POTED: variants seen among roughly 807,000 people sequenced by gnomAD.
POTED encodes ANKRD26-like family B member 3.
POTED carries 7 observed loss-of-function variants against 19.0 expected under a neutral mutation model. That is an observed-to-expected ratio of 0.37 (90% CI 0.21 to 0.69). The LOEUF is 0.69. Ranked by LOEUF, POTED falls within the 30% of genes least tolerant of loss-of-function variation. POTED has a pLI of 0.56. For synonymous variants in POTED, 16 were observed against 92.0 expected (o/e 0.17, Z 4.73); for missense variants, 54 against 278.5 (o/e 0.19, Z 5.74).
rs1159034077 is a variant in POTED, at chr21:13,642,655, G to A, written c.*1089G>A. Reference sequence around the variant, plus strand: ...ACTTGCTTCCAGTCACATCCTACAGGTGTGTTCAGATTGGCAACAGGTTCA... The same window carrying A: ...ACTTGCTTCCAGTCACATCCTACAGATGTGTTCAGATTGGCAACAGGTTCA... On this transcript the variant is annotated 3_prime_UTR_variant, in exon 11 of 11. Transcript: ENST00000299443. Among the ~76,000 whole-genome samples, 1 of 41,760 alleles carries A rather than the reference G, an allele frequency of 2.4e-5. No homozygotes were observed. The highest frequency in any genetic ancestry group is 3.8e-5 in the Non-Finnish European group (1 of 26,022). The allele number at this position is 41,760 out of a possible 152,430, so 27.4% of individuals were successfully genotyped here.
At position 13,627,461 on chromosome 21, in the gene POTED, A is replaced by C. The variant is rs539814087; in HGVS notation, c.1127-921A>C. Reference sequence around the variant, plus strand: ...TGGCTCAAACAAAAAAACAAAAAAAAAAAAGAAAAATGAATATAAATTTGT... The same window carrying C: ...TGGCTCAAACAAAAAAACAAAAAAACAAAAGAAAAATGAATATAAATTTGT... On this transcript the variant is annotated intron_variant, in intron 6 of 10. Transcript: ENST00000299443. Among the ~76,000 whole-genome samples the C allele has an allele frequency of 2.3e-4, 23 of 99,728 alleles. 6 individuals carry two copies. Among genetic ancestry groups the C allele is most frequent in the African/African-American group, 1.0e-3 (20 of 19,256 alleles). 65.4% of individuals were successfully genotyped at this position (99,728 alleles called of 152,430 possible). A position where few individuals can be genotyped will look rare whatever the true frequency, so the allele number is the denominator to read the frequency against.
chr21:13,623,932 C>A (rs1197963284), intron 6 of POTED, among the ~76,000 whole-genome samples: 1 of 103,334 alleles, frequency 9.7e-6, no homozygotes, highest in Admixed American at 9.3e-5. Context: ...TAGTTTTGAT[C>A]TTTAAGGTGC....
At chr21:13,626,615 T>C (rs548329331) in intron 6 of POTED, among the ~76,000 whole-genome samples, 1 of 96,120 alleles carries the variant, frequency 1.0e-5, no homozygotes, top group Admixed American at 1.0e-4. Context: ...ACTTCTGCCC[T>C]ACTCTACATC....
At chr21:13,619,361 T>G (rs2011165620) in intron 4 of POTED, among the ~76,000 whole-genome samples, 1 of 72,046 alleles carries the variant, frequency 1.4e-5, no homozygotes, top group Non-Finnish European at 2.4e-5. Flanking sequence ...ATGGCACATG[T>G]ATACATATGT....
In POTED at chr21:13,609,843, G is replaced by T. The variant is rs2011132498; in HGVS notation, c.-386G>T. ...TTCCTCGCTTGGCCTTGCGTTCCTA[G>T]CTTGGCTTGGCGTTAGTCGCTTTGC... On this transcript the variant is annotated 5_prime_UTR_variant, in exon 1 of 11. Coordinates refer to ENST00000299443, the MANE Select transcript of POTED (RefSeq NM_174981.6). 1 of 156,814 alleles carries T rather than the reference G, an allele frequency of 6.4e-6. No homozygotes were observed. The highest frequency in any genetic ancestry group is 1.1e-5 in the Non-Finnish European group (1 of 94,132). The allele number at this position is 156,814 out of a possible 1,614,324, so 9.7% of individuals were successfully genotyped here.
chr21:13,637,463 T>A lies in POTED; in HGVS notation c.1410-2052T>A, dbSNP rs2123222637. On this transcript the variant is annotated intron_variant, in intron 9 of 10. Coordinates refer to ENST00000299443, the MANE Select transcript of POTED (RefSeq NM_174981.6). ...CTATTCATGTCATGTGCCCACTTTT[T>A]AATGGAATTATTTGTATTTTTCCTG... Among the ~76,000 whole-genome samples the A allele has an allele frequency of 3.3e-5, 2 of 60,520 alleles. 1 individual carries two copies. Among genetic ancestry groups the A allele is most frequent in the Non-Finnish European group, 5.5e-5 (2 of 36,248 alleles). 39.7% of individuals were successfully genotyped at this position (60,520 alleles called of 152,430 possible). A position where few individuals can be genotyped will look rare whatever the true frequency, so the allele number is the denominator to read the frequency against.
chr21:13,639,756 A>AAATATATGTGTGTGTG lies in POTED; in HGVS notation c.1533+118_1533+119insAATATATGTGTGTGTG. Reference sequence around the variant, plus strand: ...TATATACACACGTGTGTGTGTGTGTATATATATGTGTGTGTGTATATATAT... The same window carrying AAATATATGTGTGTGTG: ...TATATACACACGTGTGTGTGTGTGTAAATATATGTGTGTGTGTATATATGTGTGTGTGTATATATAT... On this transcript the variant is annotated intron_variant, in intron 10 of 10. Coordinates refer to ENST00000299443, the MANE Select transcript of POTED (RefSeq NM_174981.6). 2 of 555,364 alleles carry AAATATATGTGTGTGTG rather than the reference A, an allele frequency of 3.6e-6. 1 individual carries two copies. The highest frequency in any genetic ancestry group is 4.8e-6 in the Non-Finnish European group (2 of 413,462). 34.4% of individuals were successfully genotyped at this position (555,364 alleles called of 1,614,324 possible).
chr21:13,641,362 G>A lies in POTED; in HGVS notation c.1551G>A (p.Lys517=). The A allele has an allele frequency of 1.9e-6, 2 of 1,045,330 alleles. 1 individual carries two copies. Among genetic ancestry groups the A allele is most frequent in the Non-Finnish European group, 2.5e-6 (2 of 803,946 alleles). The allele number at this position is 1,045,330 out of a possible 1,614,324, so 64.8% of individuals were successfully genotyped here. Residue 517 remains lysine, a synonymous_variant, in exon 11 of 11, where the codon AAG becomes AAA. Transcript: ENST00000299443. ...TTACTTAGCTTTCTCTTAGTCATAA[G>A]AAAGAAGAAGATCTCTTGCGTGAAA... ...KMNSELSLSH[K]KEEDLLRENS...
chr21:13,628,280 GAAATA>G lies in POTED; in HGVS notation c.1127-92_1127-88del, dbSNP rs749627926. On this transcript the variant is annotated intron_variant, in intron 6 of 10. Coordinates refer to ENST00000299443, the MANE Select transcript of POTED (RefSeq NM_174981.6). ...ATGAAAGACTAAACACTCAATTAAT[GAAATA>G]AAATAAAATGTTGTCTTCAATCTAT... The G allele has an allele frequency of 1.3e-4, 25 of 191,678 alleles. 3 individuals carry two copies. The highest frequency in any genetic ancestry group is 3.1e-5 in the Non-Finnish European group (3 of 96,866). The allele number at this position is 191,678 out of a possible 1,614,324, so 11.9% of individuals were successfully genotyped here.
At chr21:13,640,642 C>A (rs2011265607) in intron 10 of POTED, among the ~76,000 whole-genome samples, 1 of 59,952 alleles carries the variant, frequency 1.7e-5, no homozygotes, top group Non-Finnish European at 2.8e-5. Flanking sequence ...CTCTGCCTCC[C>A]AGGTTCACAC....
In POTED at chr21:13,640,310, TAA is replaced by T. The variant is rs1319835695; in HGVS notation, c.1533+674_1533+675del. On this transcript the variant is annotated intron_variant, in intron 10 of 10. Transcript: ENST00000299443. ...TACTACTACAATGTTTCAAACATTA[TAA>T]AGAGGAAAGAAAAGTTATTGCAATG... Among the ~76,000 whole-genome samples, 5 of 73,712 alleles carry T rather than the reference TAA, an allele frequency of 6.8e-5. 2 individuals carry two copies. Among genetic ancestry groups the T allele is most frequent in the Non-Finnish European group, 1.2e-4 (5 of 42,572 alleles). The allele number at this position is 73,712 out of a possible 152,430, so 48.4% of individuals were successfully genotyped here.
Position 13,645,419 on chromosome 21 carries a change from A to G in POTED, c.*3853A>G, listed in dbSNP as rs1335908008. Among the ~76,000 whole-genome samples the G allele has an allele frequency of 7.6e-6, 1 of 131,236 alleles. No individual in the cohort carries two copies. Among genetic ancestry groups the G allele is most frequent in the Non-Finnish European group, 1.6e-5 (1 of 60,862 alleles). The allele number at this position is 131,236 out of a possible 152,430, so 86.1% of individuals were successfully genotyped here. A position where few individuals can be genotyped will look rare whatever the true frequency, so the allele number is the denominator to read the frequency against. Reference sequence around the variant, plus strand: ...TCAACTGAAACTGTACAAGCCAGAAAAGACATTCAACATCTCAAAGAAAAG... The same window carrying G: ...TCAACTGAAACTGTACAAGCCAGAAGAGACATTCAACATCTCAAAGAAAAG... On this transcript the variant is annotated 3_prime_UTR_variant, in exon 11 of 11. Transcript: ENST00000299443.
Position 13,610,485 on chromosome 21 carries a change from A to G in POTED, c.257A>G (p.His86Arg), listed in dbSNP as rs2011136307. The G allele has an allele frequency of 5.7e-6, 6 of 1,043,920 alleles. 2 individuals are homozygous for G. The highest frequency in any genetic ancestry group is 7.4e-6 in the Non-Finnish European group (6 of 815,726). The allele number at this position is 1,043,920 out of a possible 1,614,324, so 64.7% of individuals were successfully genotyped here. A position where few individuals can be genotyped will look rare whatever the true frequency, so the allele number is the denominator to read the frequency against. Residue 86 changes from histidine (H) to arginine (R), a missense_variant, in exon 1 of 11, where the codon CAT becomes CGT. Coordinates refer to ENST00000299443, the MANE Select transcript of POTED (RefSeq NM_174981.6). ...GTSNVGTSGD[H>R]ENSFMKMLRS... ...AGCAACGTGGGCACTTCTGGAGACC[A>G]TGAAAACTCCTTTATGAAGATGCTC...
rs1269606090 is a variant in POTED at position 13,639,772 on chromosome 21, G to GTA, written c.1533+143_1533+144dup. 89 of 451,110 alleles carry GTA rather than the reference G, an allele frequency of 2.0e-4. 14 individuals are homozygous for GTA. Among genetic ancestry groups the GTA allele is most frequent in the South Asian group, 7.8e-4 (26 of 33,446 alleles). 27.9% of individuals were successfully genotyped at this position (451,110 alleles called of 1,614,324 possible). A position where few individuals can be genotyped will look rare whatever the true frequency, so the allele number is the denominator to read the frequency against. On this transcript the variant is annotated intron_variant, in intron 10 of 10. Transcript: ENST00000299443. ...TGTGTGTGTATATATATGTGTGTGT[G>GTA]TATATATATACACACACACACACAC...
intron 9 of POTED, among the ~76,000 whole-genome samples, chr21:13,634,768 AC>A (rs1441273278): frequency 1.7e-5 from 1 of 59,532 alleles, no homozygotes; most frequent in Non-Finnish European, 2.8e-5. Context: ...TTGGGTGCCT[AC>A]CAGGGATGCT....
chr21:13,631,201 T>C, intron 9 of POTED, 94 bp downstream of exon 9: 1 of 859,752 alleles, frequency 1.2e-6, no homozygotes, highest in Non-Finnish European at 1.6e-6. Context: ...ATTTTATACT[T>C]TTACTAGAAT....
Position 13,645,204 on chromosome 21 carries a change from G to T in POTED, c.*3638G>T, listed in dbSNP as rs1317286694. 1.5e-5 allele frequency among the ~76,000 whole-genome samples: 2 copies of T among 133,172 alleles called. No individual in the cohort carries two copies. The highest frequency in any genetic ancestry group is 3.2e-5 in the Non-Finnish European group (2 of 61,564). The allele number at this position is 133,172 out of a possible 152,430, so 87.4% of individuals were successfully genotyped here. On this transcript the variant is annotated 3_prime_UTR_variant, in exon 11 of 11. Transcript: ENST00000299443. ...CATTCATGAGAATGTCCCCAACCTA[G>T]CCAGACAGGCCAACATTCAACTTCA...
rs150801476 is a variant in POTED at position 13,639,781 on chromosome 21, T to TAC, written c.1533+162_1533+163dup. ...ATATATATGTGTGTGTGTATATATA[T>TAC]ACACACACACACACACACACCCTGT... On this transcript the variant is annotated intron_variant, in intron 10 of 10. Coordinates refer to ENST00000299443, the MANE Select transcript of POTED (RefSeq NM_174981.6). 1.7e-3 allele frequency: 611 copies of TAC among 358,936 alleles called. 42 individuals are homozygous for TAC. The highest frequency in any genetic ancestry group is 9.2e-3 in the South Asian group (263 of 28,556). The allele number at this position is 358,936 out of a possible 1,614,324, so 22.2% of individuals were successfully genotyped here. A position where few individuals can be genotyped will look rare whatever the true frequency, so the allele number is the denominator to read the frequency against.
In POTED at chr21:13,636,465, T is replaced by G. The variant is rs113654671; in HGVS notation, c.1410-3050T>G. ...CAGTACAATAACGGTGATATTCTTATACATCTTTACCTCATTTAAAAGTAA... is the reference window on the plus strand; with the variant it reads ...CAGTACAATAACGGTGATATTCTTAGACATCTTTACCTCATTTAAAAGTAA... On this transcript the variant is annotated intron_variant, in intron 9 of 10. Transcript: ENST00000299443. Among the ~76,000 whole-genome samples, 132 of 80,158 alleles carry G rather than the reference T, an allele frequency of 1.6e-3. 4 individuals carry two copies. In the East Asian group the frequency reaches 0.018, roughly 11 times the overall value. 52.6% of individuals were successfully genotyped at this position (80,158 alleles called of 152,430 possible).
Sources: gnomAD v4.1 joint callset for allele counts (sites outside exome capture counted in the v4.1 genomes callset) on GRCh38, gnomAD v4.1.1 for gene constraint, MANE v1.5 for transcripts, NCBI Gene and HGNC (gene_info 2026-07-23, HGNC 2026-07-21) for gene names.